Variants in AUTS2 observed in about 807,000 individuals in gnomAD.
AUTS2 encodes the protein autism susceptibility gene 2 protein.
Under a neutral mutation model 112.4 loss-of-function variants are expected in AUTS2, and 17 were observed. The ratio of observed to expected loss-of-function variants is 0.15; its 90% confidence interval spans 0.10 to 0.23. AUTS2 has a LOEUF of 0.23. Among genes scored for constraint, AUTS2 ranks in the 10% least tolerant of loss-of-function variants. The probability of loss-of-function intolerance (pLI) is 1.00; values close to 1 mark genes in which losing one functional copy is unlikely to be tolerated. For synonymous variants in AUTS2, 751 were observed against 702.7 expected, an observed-to-expected ratio of 1.07 and a Z score of -1.09; for missense variants, 1,510 against 1,701.6, an observed-to-expected ratio of 0.89 and a Z score of 1.98.
At chr7:70,023,146 C>G (rs1463739479) in intron 2 of AUTS2, among the ~76,000 whole-genome samples, 1 of 152,146 alleles carries the variant, frequency 6.6e-6, no homozygotes, top group Non-Finnish European at 1.5e-5. Flanking sequence ...TGCCCAGCCT[C>G]TAATTGGTGA....
At chr7:70,056,403 C>T (rs531984419) in intron 2 of AUTS2, among the ~76,000 whole-genome samples, 7 of 152,162 alleles carry the variant, frequency 4.6e-5, no homozygotes, top group African/African-American at 1.7e-4. Context: ...CCTTCATCAC[C>T]TTCACCCTGT....
At chr7:69,600,408 CGTGTGTGTGTGTGT>C (rs113179115) in intron 1 of AUTS2, among the ~76,000 whole-genome samples, 5 of 143,308 alleles carry the variant, frequency 3.5e-5, no homozygotes, top group South Asian at 2.3e-4. Context: ...GTCATATGTT[CGTGTGTGTGTGTGT>C]GTGTGTGTGT....
chr7:69,858,446 T>C (rs763351695), intron 1 of AUTS2, among the ~76,000 whole-genome samples: 1 of 152,202 alleles, frequency 6.6e-6, no homozygotes, highest in Non-Finnish European at 1.5e-5. Flanking sequence ...TTTCTCCTGG[T>C]CCTCCTCTAT....
intron 5 of AUTS2, among the ~76,000 whole-genome samples, chr7:70,568,800 C>A (rs1563047220): frequency 6.6e-6 from 1 of 152,234 alleles, no homozygotes; most frequent in South Asian, 2.1e-4. Context: ...GAAACACTGT[C>A]GCCACCAGTG....
intron 1 of AUTS2, among the ~76,000 whole-genome samples, chr7:69,773,815 T>C (rs182870439): frequency 3.2e-4 from 48 of 152,346 alleles, no homozygotes; most frequent in African/African-American, 1.1e-3. Flanking sequence ...AGCTTCCGTC[T>C]CTACCGTGTA....
chr7:70,333,695 A>T (rs1790861820), intron 4 of AUTS2, among the ~76,000 whole-genome samples: 1 of 152,180 alleles, frequency 6.6e-6, no homozygotes, highest in South Asian at 2.1e-4. Flanking sequence ...TTCTCAGCAA[A>T]CTAACACAAG....
chr7:70,655,172 G>A (rs920054154), intron 5 of AUTS2, among the ~76,000 whole-genome samples: 7 of 152,172 alleles, frequency 4.6e-5, no homozygotes, highest in African/African-American at 9.7e-5. Context: ...TGGAAGCAGC[G>A]GCCCCTGCCC....
At chr7:70,489,488 T>C (rs1798153503) in intron 5 of AUTS2, among the ~76,000 whole-genome samples, 1 of 152,228 alleles carries the variant, frequency 6.6e-6, no homozygotes, top group South Asian at 2.1e-4. Flanking sequence ...CCCCAGAATG[T>C]GTCAACCTAG....
At chr7:70,598,597 TA>T (rs1195695401) in intron 5 of AUTS2, among the ~76,000 whole-genome samples, 1 of 152,094 alleles carries the variant, frequency 6.6e-6, no homozygotes, top group Admixed American at 6.6e-5. Context: ...AGATGAGGTT[TA>T]AAAAAAGAGG....
At chr7:70,669,262 A>G (rs1807510682) in intron 5 of AUTS2, among the ~76,000 whole-genome samples, 1 of 152,210 alleles carries the variant, frequency 6.6e-6, no homozygotes, top group South Asian at 2.1e-4. Flanking sequence ...TGTGGTTTGC[A>G]GGTTCGTTCA....
intron 1 of AUTS2, among the ~76,000 whole-genome samples, chr7:69,817,724 T>C (rs901702563): frequency 7.9e-5 from 12 of 152,098 alleles, no homozygotes; most frequent in Admixed American, 3.3e-4. Context: ...ATTTAAACCA[T>C]GGCCTGCCTT....
chr7:69,888,180 ACTAGATG>A (rs2129538578), intron 1 of AUTS2, among the ~76,000 whole-genome samples: 1 of 152,036 alleles, frequency 6.6e-6, no homozygotes, highest in South Asian at 2.1e-4. Context: ...AAAAAGGAAT[ACTAGATG>A]CTAGTAATTT....
At chr7:69,863,058 A>C (rs1405843823) in intron 1 of AUTS2, among the ~76,000 whole-genome samples, 3 of 150,082 alleles carry the variant, frequency 2.0e-5, no homozygotes, top group Non-Finnish European at 4.5e-5. Flanking sequence ...GAGTCTTCCA[A>C]AGATACGAGG....
rs183342065 is a variant in AUTS2, at chr7:70,100,353, T to C, written c.523-17779T>C. Among the ~76,000 whole-genome samples the C allele has an allele frequency of 2.6e-5, 4 of 152,304 alleles. No homozygotes were observed. In the East Asian group the frequency reaches 5.8e-4, roughly 22 times the overall value. ...CAACTTTAAGAGTGGAACTTAAATA[T>C]GTCCCCTTTTATTGGATTATCCCCA... is the stretch of plus-strand genomic sequence containing the variant. On this transcript the variant is annotated intron_variant, in intron 2 of 18. Coordinates refer to ENST00000342771, the MANE Select transcript of AUTS2 (RefSeq NM_015570.4).
chr7:69,969,771 C>G (rs1315186794), intron 2 of AUTS2, among the ~76,000 whole-genome samples: 1 of 152,140 alleles, frequency 6.6e-6, no homozygotes, highest in African/African-American at 2.4e-5. Flanking sequence ...AAATTCCTCT[C>G]TTGATTGTCA....
chr7:70,606,671 A>G (rs895514408), intron 5 of AUTS2, among the ~76,000 whole-genome samples: 9 of 152,080 alleles, frequency 5.9e-5, no homozygotes, highest in Admixed American at 2.6e-4. Context: ...GACCAGCCTC[A>G]TCAAAAGTGG....
intron 1 of AUTS2, among the ~76,000 whole-genome samples, chr7:69,874,792 G>A (rs1793656925): frequency 6.6e-6 from 1 of 152,062 alleles, no homozygotes; most frequent in Admixed American, 6.6e-5. Context: ...CCAAGTACCT[G>A]GGATCATAGG....
At chr7:70,080,215 G>T (rs898212912) in intron 2 of AUTS2, among the ~76,000 whole-genome samples, 8 of 152,198 alleles carry the variant, frequency 5.3e-5, no homozygotes, top group African/African-American at 1.9e-4. Flanking sequence ...AAAGTATGTT[G>T]TATTTGCATC....
In AUTS2 at chr7:69,871,609, A is replaced by G. The variant is rs192791987; in HGVS notation, c.310-27677A>G. On this transcript the variant is annotated intron_variant, in intron 1 of 18. Transcript: ENST00000342771. ...TATGTGAATGTGGTCTCTCTCTCAA[A>G]ATATCTTACTGTACTCTACTCACCC... is the stretch of plus-strand genomic sequence containing the variant. Among the ~76,000 whole-genome samples, 178 of 152,302 alleles carry G rather than the reference A, an allele frequency of 1.2e-3. 2 individuals carry two copies. Among genetic ancestry groups the G allele is most frequent in the African/African-American group, 4.0e-3 (165 of 41,572 alleles).
Sources: allele counts gnomAD v4.1 joint callset (sites outside exome capture counted in the v4.1 genomes callset), GRCh38; gene constraint gnomAD v4.1.1; transcripts MANE v1.5; gene names NCBI Gene and HGNC (gene_info 2026-07-23, HGNC 2026-07-21).